PPFIA2: variants seen among roughly 807,000 people sequenced by gnomAD.
PPFIA2 encodes the protein PPFI scaffold protein A2.
In PPFIA2, 46 loss-of-function variants were observed where a neutral mutation model predicts 175.5. The observed-to-expected ratio is 0.26, with a 90% CI of 0.21 to 0.34. The LOEUF (loss-of-function observed/expected upper bound fraction) is 0.34, where lower values mean the gene tolerates loss of function less well. Ranked by LOEUF, PPFIA2 falls within the 10% of genes least tolerant of loss-of-function variation. The pLI, the probability that PPFIA2 is intolerant of heterozygous loss-of-function variation, is 1.00. For missense variants in PPFIA2, 1,179 were observed against 1,506.1 expected (o/e 0.78, Z 3.60); for synonymous variants, 568 against 511.4 (o/e 1.11, Z -1.49).
intron 4 of PPFIA2, among the ~76,000 whole-genome samples, chr12:81,618,797 G>C (rs1425866803): frequency 1.3e-5 from 2 of 151,412 alleles, no homozygotes; most frequent in African/African-American, 4.9e-5. Context: ...CTCCCAAAGT[G>C]CTGGGATTAC....
At chr12:81,382,299 G>A (rs928928211) in intron 9 of PPFIA2, among the ~76,000 whole-genome samples, 10 of 152,148 alleles carry the variant, frequency 6.6e-5, no homozygotes, top group Admixed American at 2.0e-4. Flanking sequence ...TGGTAGTAGA[G>A]AGATTGTACA....
intron 4 of PPFIA2, among the ~76,000 whole-genome samples, chr12:81,476,192 G>A (rs1371674520): frequency 6.6e-6 from 1 of 152,142 alleles, no homozygotes; most frequent in Non-Finnish European, 1.5e-5. Flanking sequence ...GGGTGCTCCA[G>A]CTTTCAGAAT....
At chr12:81,472,989 T>C (rs1248013577) in intron 4 of PPFIA2, 1 of 152,250 alleles carries the variant, frequency 6.6e-6, no homozygotes, top group Non-Finnish European at 1.5e-5. Flanking sequence ...CAATTATTCA[T>C]AAGCAGTTTG....
At chr12:81,674,640 G>A (rs2072105406) in intron 4 of PPFIA2, among the ~76,000 whole-genome samples, 1 of 151,954 alleles carries the variant, frequency 6.6e-6, no homozygotes, top group Non-Finnish European at 1.5e-5. Context: ...TCCCATCTGG[G>A]TGACAGACAG....
chr12:81,378,630 C>G (rs2036940468), intron 9 of PPFIA2, among the ~76,000 whole-genome samples: 1 of 152,034 alleles, frequency 6.6e-6, no homozygotes, highest in South Asian at 2.1e-4. Flanking sequence ...TGTATTCTGT[C>G]AGTTTCATTT....
chr12:81,463,583 G>A (rs975889895), intron 4 of PPFIA2, among the ~76,000 whole-genome samples: 2 of 152,052 alleles, frequency 1.3e-5, no homozygotes, highest in African/African-American at 2.4e-5. Context: ...ACGAAGGGAG[G>A]GGTGCCCTTC....
At chr12:81,343,336 T>G (rs1186898735) in intron 19 of PPFIA2, among the ~76,000 whole-genome samples, 1 of 152,062 alleles carries the variant, frequency 6.6e-6, no homozygotes. Context: ...CCATTAAACT[T>G]ATATAGTCTT....
intron 4 of PPFIA2, among the ~76,000 whole-genome samples, chr12:81,558,622 CAGA>C (rs2069316111): frequency 6.6e-6 from 1 of 152,082 alleles, no homozygotes; most frequent in Admixed American, 6.6e-5. Context: ...GCCAGGACAG[CAGA>C]AGGAGTTAAC....
intron 21 of PPFIA2, 127 bp from the exon 22 acceptor site, chr12:81,325,997 T>C: frequency 1.6e-6 from 1 of 618,260 alleles, no homozygotes. Flanking sequence ...CTTATATTAC[T>C]AACCCAAGAT....
At chr12:81,701,688 T>G (rs1189407680) in intron 3 of PPFIA2, among the ~76,000 whole-genome samples, 1 of 152,000 alleles carries the variant, frequency 6.6e-6, no homozygotes, top group Non-Finnish European at 1.5e-5. Flanking sequence ...TTATGAGACA[T>G]AGTGCTCAAT....
intron 4 of PPFIA2, among the ~76,000 whole-genome samples, chr12:81,480,408 C>A (rs1358040583): frequency 6.6e-6 from 1 of 152,092 alleles, no homozygotes. Flanking sequence ...AAGCCTACTT[C>A]TGTCAATTCA....
chr12:81,462,672 G>C (rs1300284776), intron 4 of PPFIA2, among the ~76,000 whole-genome samples: 2 of 148,754 alleles, frequency 1.3e-5, no homozygotes, highest in African/African-American at 4.9e-5. Flanking sequence ...CTCTGATCCT[G>C]GTAGTTTCTT....
At chr12:81,288,203 TAGAA>T (rs1282536393) in intron 24 of PPFIA2, among the ~76,000 whole-genome samples, 1 of 151,798 alleles carries the variant, frequency 6.6e-6, no homozygotes, top group Non-Finnish European at 1.5e-5. Context: ...TGCTCCAGAA[TAGAA>T]AGAAACACTA....
chr12:81,630,899 A>ATATATATATATATATATATATTT (rs1411924550), intron 4 of PPFIA2, among the ~76,000 whole-genome samples: 34 of 106,468 alleles, frequency 3.2e-4, no homozygotes, highest in African/African-American at 9.9e-4. Flanking sequence ...ATATATATAT[A>ATATATATATATATATATATATTT]TTTTTTTTTT....
intron 4 of PPFIA2, among the ~76,000 whole-genome samples, chr12:81,500,578 T>C (rs1440947978): frequency 6.6e-6 from 1 of 152,196 alleles, no homozygotes; most frequent in Non-Finnish European, 1.5e-5. Flanking sequence ...TGATACCTAG[T>C]AGAAATAGCC....
intron 4 of PPFIA2, among the ~76,000 whole-genome samples, chr12:81,533,692 A>AATCTATGT (rs2064935315): frequency 1.4e-5 from 2 of 144,326 alleles, no homozygotes; most frequent in African/African-American, 5.2e-5. Context: ...TAAATTCACA[A>AATCTATGT]ATCTATCTAT....
intron 16 of PPFIA2, 88 bp from the exon 17 acceptor site, chr12:81,353,427 T>C: frequency 3.2e-6 from 3 of 927,820 alleles, no homozygotes; most frequent in South Asian, 1.4e-5. Context: ...ACAACAGGCA[T>C]GCTTTTACAA....
intron 4 of PPFIA2, among the ~76,000 whole-genome samples, chr12:81,667,770 A>G (rs2070630218): frequency 6.6e-6 from 1 of 152,088 alleles, no homozygotes; most frequent in Non-Finnish European, 1.5e-5. Context: ...ACCATTTTCA[A>G]GTTCAGAATA....
At chr12:81,338,897 T>C (rs1325767416) in intron 21 of PPFIA2, among the ~76,000 whole-genome samples, 1 of 152,162 alleles carries the variant, frequency 6.6e-6, no homozygotes, top group Non-Finnish European at 1.5e-5. Flanking sequence ...ATTTACTTTG[T>C]AGGCAACTGT....
Sources: allele counts gnomAD v4.1 joint callset (sites outside exome capture counted in the v4.1 genomes callset), GRCh38; gene constraint gnomAD v4.1.1; transcripts MANE v1.5; gene names NCBI Gene and HGNC (gene_info 2026-07-23, HGNC 2026-07-21).